The following CPNE2 variants were observed in gnomAD, a reference collection of about 807,000 sequenced individuals.
CPNE2 encodes copine-2.
Under a neutral mutation model 69.7 loss-of-function variants are expected in CPNE2, and 42 were observed. That is an observed-to-expected ratio of 0.60 (90% confidence interval 0.47 to 0.78). CPNE2 has a LOEUF of 0.78. Ranked by LOEUF, CPNE2 falls within the 30% of genes least tolerant of loss-of-function variation. CPNE2 has a pLI of 0.00. For synonymous variants in CPNE2, 294 were observed against 289.8 expected (o/e 1.01, Z -0.15); for missense variants, 587 against 732.0 (o/e 0.80, Z 2.29).
intron 7 of CPNE2, among the ~76,000 whole-genome samples, 197 bp downstream of exon 7, chr16:57,119,847 C>G (rs1483040673): frequency 6.6e-6 from 1 of 152,246 alleles, no homozygotes; most frequent in Non-Finnish European, 1.5e-5. Context: ...GGGCAGGGCC[C>G]CCACCTTTGA....
chr16:57,137,857 A>G (rs2069894508), intron 14 of CPNE2, among the ~76,000 whole-genome samples: 1 of 152,194 alleles, frequency 6.6e-6, no homozygotes, highest in Admixed American at 6.5e-5. Flanking sequence ...GGCAGGCCCT[A>G]CTGGCAGGGT....
At chr16:57,093,198 G>T (rs1279984112) in intron 1 of CPNE2, among the ~76,000 whole-genome samples, 1 of 151,336 alleles carries the variant, frequency 6.6e-6, no homozygotes, top group Admixed American at 6.6e-5. Context: ...GCTCCTCTCC[G>T]CTCCCCTCTG....
rs780177558 is a variant in CPNE2 at position 57,133,466 on chromosome 16, G to A, written c.1117-1309G>A. 7.1e-4 allele frequency among the ~76,000 whole-genome samples: 108 copies of A among 152,258 alleles called. 1 individual carries two copies. Among genetic ancestry groups the A allele is most frequent in the Non-Finnish European group, 1.2e-3 (80 of 67,994 alleles). On this transcript the variant is annotated intron_variant, in intron 12 of 15. Coordinates refer to ENST00000290776, the MANE Select transcript of CPNE2 (RefSeq NM_152727.6). ...AGGGCACTGGGTCTCAGGCCTGTTCGACTGTGTGGCTCTGGTGCCTGGCTT... is the reference window on the plus strand; with the variant it reads ...AGGGCACTGGGTCTCAGGCCTGTTCAACTGTGTGGCTCTGGTGCCTGGCTT...
chr16:57,104,169 C>T (rs552768319), intron 1 of CPNE2, among the ~76,000 whole-genome samples: 4 of 152,194 alleles, frequency 2.6e-5, no homozygotes, highest in Admixed American at 6.5e-5. Flanking sequence ...CCAGCTGCCT[C>T]GGCCTCCCAA....
At chr16:57,102,035 T>A (rs2069617566) in intron 1 of CPNE2, among the ~76,000 whole-genome samples, 1 of 151,530 alleles carries the variant, frequency 6.6e-6, no homozygotes. Flanking sequence ...CAGCCTTGAC[T>A]TCCCGGGCTT....
At chr16:57,138,092 C>G (rs2069895903) in intron 14 of CPNE2, among the ~76,000 whole-genome samples, 1 of 152,222 alleles carries the variant, frequency 6.6e-6, no homozygotes, top group South Asian at 2.1e-4. Context: ...GCTCCTCACG[C>G]TCCAGCGCCG....
intron 2 of CPNE2, among the ~76,000 whole-genome samples, chr16:57,111,467 C>G (rs1350388080): frequency 6.6e-6 from 1 of 152,242 alleles, no homozygotes; most frequent in Non-Finnish European, 1.5e-5. Flanking sequence ...CATGAACCAC[C>G]ACGCCCCATC....
intron 1 of CPNE2, among the ~76,000 whole-genome samples, chr16:57,097,945 G>A (rs1336106979): frequency 2.0e-5 from 3 of 152,224 alleles, no homozygotes; most frequent in Admixed American, 6.5e-5. Context: ...GGCCCAGGAG[G>A]GAGGAGTGGC....
chr16:57,102,078 C>T (rs2069617892), intron 1 of CPNE2, among the ~76,000 whole-genome samples: 1 of 151,778 alleles, frequency 6.6e-6, no homozygotes, highest in Non-Finnish European at 1.5e-5. Context: ...CTCCCAAGTA[C>T]CTGGGACTAC....
At chr16:57,093,141 C>T (rs929285992) in intron 1 of CPNE2, among the ~76,000 whole-genome samples, 5 of 152,180 alleles carry the variant, frequency 3.3e-5, no homozygotes, top group African/African-American at 9.6e-5. Flanking sequence ...CCGCCGCTGC[C>T]GCAGCTGCTG....
At chr16:57,119,750 A>G (rs1025351216) in intron 7 of CPNE2, 100 bp downstream of exon 7, 1 of 734,366 alleles carries the variant, frequency 1.4e-6, no homozygotes, top group African/African-American at 1.8e-5. Context: ...TCTTTCTCAT[A>G]CAAGTGGAAC....
chr16:57,092,970 C>A lies in CPNE2; in HGVS notation c.-36+180C>A, dbSNP rs567099281. Among the ~76,000 whole-genome samples, 3 of 152,232 alleles carry A rather than the reference C, an allele frequency of 2.0e-5. No individual in the cohort carries two copies. The highest frequency in any genetic ancestry group is 2.1e-4 in the South Asian group (1 of 4,832). On this transcript the variant is annotated intron_variant, in intron 1 of 15. Coordinates refer to ENST00000290776, the MANE Select transcript of CPNE2 (RefSeq NM_152727.6). The surrounding 1 kb of genome is among the most constrained non-coding windows in gnomAD (Gnocchi z 5.3). ...ACTCCGGCGCTTCGGTGACTCAGCT[C>A]CGACCCGGCCACGCGGGGGCGCCCC...
In CPNE2 at chr16:57,145,718, G is replaced by A. The variant is rs924638024; in HGVS notation, c.1303-367G>A. ...CTGCAACAACTCCCACTTTGCAGAT[G>A]AAGAAACTGAGGCACTACGAGTCAA... On this transcript the variant is annotated intron_variant, in intron 14 of 15. Coordinates refer to ENST00000290776, the MANE Select transcript of CPNE2 (RefSeq NM_152727.6). 4.3e-5 allele frequency: 11 copies of A among 254,734 alleles called. No homozygotes were observed. The South Asian group carries it at 5.1e-4, about 12-fold the overall frequency. The allele number at this position is 254,734 out of a possible 1,614,324, so 15.8% of individuals were successfully genotyped here.
intron 13 of CPNE2, among the ~76,000 whole-genome samples, chr16:57,135,904 GAGAA>G (rs2069876445): frequency 2.8e-5 from 4 of 140,942 alleles, no homozygotes; most frequent in South Asian, 4.5e-4. Context: ...AAGGAGAAAA[GAGAA>G]AGAAAGGAAA....
chr16:57,117,620 C>T, intron 5 of CPNE2, 53 bp downstream of exon 5: 2 of 1,592,676 alleles, frequency 1.3e-6, no homozygotes, highest in Non-Finnish European at 8.6e-7. Flanking sequence ...CCCACCAGCC[C>T]CAGGGCTGTG....
intron 1 of CPNE2, among the ~76,000 whole-genome samples, chr16:57,095,433 A>G (rs1299334675): frequency 9.2e-5 from 14 of 152,142 alleles, no homozygotes; most frequent in Non-Finnish European, 4.4e-5. Context: ...CTGCTGTTCC[A>G]TACCCTGGAA....
intron 1 of CPNE2, among the ~76,000 whole-genome samples, chr16:57,101,754 C>A (rs576618965): frequency 6.6e-6 from 1 of 152,310 alleles, no homozygotes; most frequent in Admixed American, 6.5e-5. Flanking sequence ...GAATTTTAGG[C>A]CCCTCCCCAG....
Position 57,105,364 on chromosome 16 carries a change from C to A in CPNE2, c.-35-5344C>A, listed in dbSNP as rs555425299. On this transcript the variant is annotated intron_variant, in intron 1 of 15. Transcript: ENST00000290776. ...AGCACCAATGTCCAAGCCTGTCCTG[C>A]CTAAGGGCAAGATGCCTCCTCGCTG... Among the ~76,000 whole-genome samples, 102 of 152,042 alleles carry A rather than the reference C, an allele frequency of 6.7e-4. 1 individual carries two copies. The highest frequency in any genetic ancestry group is 2.4e-3 in the African/African-American group (98 of 41,444).
rs151335001 is a variant in CPNE2, at chr16:57,097,121, G to A, written c.-36+4331G>A. ...AGAGAGACCAATGCCTTGCTCTCCT[G>A]GGGCTCCTGGTCTATTAACATCCCA... On this transcript the variant is annotated intron_variant, in intron 1 of 15. Coordinates refer to ENST00000290776, the MANE Select transcript of CPNE2 (RefSeq NM_152727.6). Among the ~76,000 whole-genome samples, 1,284 of 152,250 alleles carry A rather than the reference G, an allele frequency of 8.4e-3. 63 individuals carry two copies. The highest frequency in any genetic ancestry group is 0.071 in the Admixed American group (1,087 of 15,300).
Sources: gnomAD v4.1 joint callset for allele counts (sites outside exome capture counted in the v4.1 genomes callset) on GRCh38, gnomAD v4.1.1 for gene constraint, Gnocchi (gnomAD v3.1) non-coding constraint, MANE v1.5 for transcripts, NCBI Gene and HGNC (gene_info 2026-07-23, HGNC 2026-07-21) for gene names.